The following PI16 variants were observed in gnomAD, a reference collection of about 807,000 sequenced individuals.
PI16 encodes the protein PSP94-binding protein.
In PI16, 35 loss-of-function variants were observed where a neutral mutation model predicts 38.0. That is an observed-to-expected ratio of 0.92 (90% confidence interval 0.70 to 1.22). The LOEUF is 1.22. PI16 is among the 50% of genes most tolerant of loss of function. The probability of loss-of-function intolerance (pLI) is 0.00; values close to 1 mark genes in which losing one functional copy is unlikely to be tolerated. For missense variants in PI16, 572 were observed against 593.8 expected, an observed-to-expected ratio of 0.96 and a Z score of 0.38; for synonymous variants, 275 against 252.9, an observed-to-expected ratio of 1.09 and a Z score of -0.83.
upstream of PI16, among the ~76,000 whole-genome samples, chr6:36,953,180 G>C (rs1763127907): frequency 6.6e-6 from 1 of 151,982 alleles, no homozygotes; most frequent in Non-Finnish European, 1.5e-5. Flanking sequence ...TGCCGGGCAT[G>C]GTAGCAGCTA....
chr6:36,957,760 G>T (rs1227880054), intron 1 of PI16, among the ~76,000 whole-genome samples: 1 of 152,174 alleles, frequency 6.6e-6, no homozygotes, highest in Non-Finnish European at 1.5e-5. Flanking sequence ...TTTAAGAAGG[G>T]CCCTGTCTCA....
intron 1 of PI16, among the ~76,000 whole-genome samples, chr6:36,955,421 G>T (rs1353742505): frequency 1.3e-5 from 2 of 152,192 alleles, no homozygotes; most frequent in Non-Finnish European, 2.9e-5. Flanking sequence ...TAGGAGGCAG[G>T]TGCTAAGGAG....
chr6:36,963,038 T>A lies in PI16; in HGVS notation c.696T>A (p.Thr232=). Reference sequence around the variant, plus strand: ...CATCAGACTCTAGGAAAATGGGTACTCCTTCTTCCCTAGCAACGGGGATTC... The same window carrying A: ...CATCAGACTCTAGGAAAATGGGTACACCTTCTTCCCTAGCAACGGGGATTC... ...TEASDSRKMG[T]PSSLATGIPA... The change falls in exon 5 of 7, where the codon ACT becomes ACA. Residue 232 remains threonine (T), a synonymous_variant. Transcript: ENST00000373674. 1.9e-6 allele frequency: 3 copies of A among 1,614,132 alleles called. No homozygotes were observed. The highest frequency in any genetic ancestry group is 2.2e-5 in the South Asian group (2 of 91,084).
upstream of PI16, among the ~76,000 whole-genome samples, chr6:36,951,377 G>C (rs1763097622): frequency 6.6e-6 from 1 of 151,974 alleles, no homozygotes; most frequent in African/African-American, 2.4e-5. Flanking sequence ...AGCCTTCCTA[G>C]TAGCTGGGAC....
chr6:36,950,127 G>A (rs1018720806), upstream of PI16, among the ~76,000 whole-genome samples: 7 of 152,210 alleles, frequency 4.6e-5, no homozygotes, highest in East Asian at 5.8e-4. The surrounding 1 kb of genome is among the most constrained non-coding windows in gnomAD (Gnocchi z 4.2). Context: ...CATCACCACC[G>A]TCCATCAACA....
Position 36,962,044 on chromosome 6 carries a change from G to A in PI16, c.592+70G>A, listed in dbSNP as rs1763381300. The A allele has an allele frequency of 1.5e-6, 2 of 1,358,930 alleles. No individual in the cohort carries two copies. Among genetic ancestry groups the A allele is most frequent in the Middle Eastern group, 1.8e-4 (1 of 5,568 alleles). The allele number at this position is 1,358,930 out of a possible 1,614,324, so 84.2% of individuals were successfully genotyped here. ...ATGCGATGCAGACTGGATGGTCTAA[G>A]AGCCTCCCTGGACTGAGCGGGACGT... On this transcript the variant is annotated intron_variant, in intron 4 of 6. Coordinates refer to ENST00000373674, the MANE Select transcript of PI16 (RefSeq NM_153370.3). This position sits in a 1 kb window ranked among gnomAD's most constrained non-coding sequence, Gnocchi z 4.1.
rs1442498296 is a variant in PI16 at position 36,964,766 on chromosome 6, T to C, written c.*399T>C. On this transcript the variant is annotated 3_prime_UTR_variant, in exon 7 of 7. Coordinates refer to ENST00000373674, the MANE Select transcript of PI16 (RefSeq NM_153370.3). Reference sequence around the variant, plus strand: ...CCCCACTGGAGTGGGGTTCTTTGAGTGGGGGAGGCAGGGACGAGGGAAGGA... The same window carrying C: ...CCCCACTGGAGTGGGGTTCTTTGAGCGGGGGAGGCAGGGACGAGGGAAGGA... 1.3e-5 allele frequency: 2 copies of C among 152,032 alleles called. No homozygotes were observed. Among genetic ancestry groups the C allele is most frequent in the African/African-American group, 4.8e-5 (2 of 41,354 alleles). The allele number at this position is 152,032 out of a possible 1,614,324, so 9.4% of individuals were successfully genotyped here. A position where few individuals can be genotyped will look rare whatever the true frequency, so the allele number is the denominator to read the frequency against.
chr6:36,952,853 A>G (rs62406520), upstream of PI16, among the ~76,000 whole-genome samples: 9,326 of 152,226 alleles, frequency 0.061, 417 homozygotes, highest in Non-Finnish European at 0.095. Context: ...TTGCATTTCA[A>G]TAGGGATTGC....
At position 36,959,278 on chromosome 6, in the gene PI16, C is replaced by T; in HGVS notation, c.305C>T (p.Ala102Val). Residue 102 changes from alanine (A) to valine (V), a missense_variant, in exon 2 of 7, where the codon GCC (alanine) becomes GTC (valine). Transcript: ENST00000373674. The part of the protein sequence containing the change: ...ITDEGMDVPL[A>V]MEEWHHEREH... ...GACGAGGGCATGGACGTGCCGCTGG[C>T]CATGGAGGAGTGGCACCACGAGCGT... 1 of 1,599,348 alleles carries T rather than the reference C, an allele frequency of 6.3e-7. No homozygotes were observed. Among genetic ancestry groups the T allele is most frequent in the South Asian group, 1.1e-5 (1 of 88,544 alleles).
At chr6:36,958,269 C>T (rs1187583888) in intron 1 of PI16, among the ~76,000 whole-genome samples, 1 of 152,226 alleles carries the variant, frequency 6.6e-6, no homozygotes, top group Non-Finnish European at 1.5e-5. Flanking sequence ...CCAAGGACAG[C>T]GTTTAATGGG....
upstream of PI16, among the ~76,000 whole-genome samples, chr6:36,953,090 C>A (rs1763125855): frequency 6.6e-6 from 1 of 152,082 alleles, no homozygotes; most frequent in African/African-American, 2.4e-5. Flanking sequence ...GAGACCGAGG[C>A]GGGCGGATCA....
At chr6:36,948,858 G>A (rs1403033872) in intron 1 of PI16, among the ~76,000 whole-genome samples, 7 of 150,604 alleles carry the variant, frequency 4.6e-5, no homozygotes, top group African/African-American at 9.7e-5. Context: ...GCAGTGGCGC[G>A]ATCTCGGCTC....
intron 2 of PI16, among the ~76,000 whole-genome samples, chr6:36,961,247 G>C (rs1431545530): frequency 1.3e-5 from 2 of 152,220 alleles, no homozygotes; most frequent in Non-Finnish European, 2.9e-5. Context: ...GTTGGCAGAG[G>C]AGAGTAGACT....
upstream of PI16, among the ~76,000 whole-genome samples, chr6:36,953,644 C>T (rs552403419): frequency 4.9e-4 from 74 of 152,002 alleles, 2 homozygotes; most frequent in Admixed American, 2.8e-3. Context: ...TTTTCTAGGT[C>T]CCTATTCATT....
intron 6 of PI16, 120 bp from the exon 7 acceptor site, chr6:36,964,266 C>G (rs926361021): frequency 3.0e-5 from 7 of 235,142 alleles, no homozygotes; most frequent in Admixed American, 5.5e-5. Context: ...ATCAGCTTCT[C>G]TCCCAGACAG....
At chr6:36,953,042 A>G (rs1763124847), upstream of PI16, among the ~76,000 whole-genome samples, 1 of 152,180 alleles carries the variant, frequency 6.6e-6, no homozygotes, top group Non-Finnish European at 1.5e-5. Context: ...GCTAAGGGCC[A>G]GGCGCAGTGG....
Position 36,960,028 on chromosome 6 carries a change from T to C in PI16, c.393+662T>C, listed in dbSNP as rs148733473. ...GTGATCCTGCCTCACTTCCCCCAGATAGTGCAGAGCTGTTTGCCCCAGCAG... is the reference window on the plus strand; with the variant it reads ...GTGATCCTGCCTCACTTCCCCCAGACAGTGCAGAGCTGTTTGCCCCAGCAG... On this transcript the variant is annotated intron_variant, in intron 2 of 6. Transcript: ENST00000373674. 7.9e-3 allele frequency among the ~76,000 whole-genome samples: 1,201 copies of C among 152,268 alleles called. 42 individuals carry two copies. In the South Asian group the frequency reaches 0.085, roughly 11 times the overall value.
At chr6:36,961,264 G>A (rs549486187) in intron 2 of PI16, among the ~76,000 whole-genome samples, 187 bp from the exon 3 acceptor site, 13 of 152,174 alleles carry the variant, frequency 8.5e-5, no homozygotes, top group Non-Finnish European at 1.6e-4. Flanking sequence ...GACTGTTAGG[G>A]ACAAACTCCC....
At chr6:36,959,984 A>G (rs1763315320) in intron 2 of PI16, among the ~76,000 whole-genome samples, 1 of 152,126 alleles carries the variant, frequency 6.6e-6, no homozygotes, top group Non-Finnish European at 1.5e-5. Context: ...GTCCTAGGCC[A>G]TACTGTACTG....
Sources: allele counts gnomAD v4.1 joint callset (sites outside exome capture counted in the v4.1 genomes callset), GRCh38; gene constraint gnomAD v4.1.1; non-coding constraint Gnocchi (gnomAD v3.1); transcripts MANE v1.5; gene names NCBI Gene and HGNC (gene_info 2026-07-23, HGNC 2026-07-21).